GRID2: variants seen among roughly 807,000 people sequenced by gnomAD.
GRID2 encodes glutamate ionotropic receptor delta type subunit 2.
GRID2 carries 33 observed loss-of-function variants against 114.8 expected under a neutral mutation model. That is an observed-to-expected ratio of 0.29 (90% confidence interval 0.22 to 0.38). GRID2 has a LOEUF of 0.38. GRID2 is among the 10% of genes least tolerant of loss of function. The pLI is 1.00. For synonymous variants in GRID2, 505 were observed against 449.9 expected (o/e 1.12, Z -1.55); for missense variants, 1,184 against 1,257.7 (o/e 0.94, Z 0.89).
chr4:93,455,766 A>G lies in GRID2; in HGVS notation c.1650A>G (p.Arg550=). 1 of 1,613,006 alleles carries G rather than the reference A, an allele frequency of 6.2e-7. No individual in the cohort carries two copies. The change falls in exon 11 of 16, where the codon CGA becomes CGG. Residue 550 remains arginine, a synonymous_variant. Coordinates refer to ENST00000282020, the MANE Select transcript of GRID2 (RefSeq NM_001510.4). ...ACTACTCAGTGGGGGTACTACTTCG[A>G]AGGGCTGAAAAGACAGTGGATATGT... ...YMDYSVGVLL[R]RAEKTVDMFA...
At chr4:93,656,346 A>G (rs975724489) in intron 14 of GRID2, among the ~76,000 whole-genome samples, 2 of 152,124 alleles carry the variant, frequency 1.3e-5, no homozygotes, top group African/African-American at 4.8e-5. Context: ...TGAGAATAAT[A>G]AGTACCATAA....
intron 2 of GRID2, among the ~76,000 whole-genome samples, chr4:92,874,100 C>T (rs900870319): frequency 2.6e-5 from 4 of 152,148 alleles, no homozygotes; most frequent in Admixed American, 6.5e-5. Context: ...GGAGCAGGAA[C>T]TGATAAAGGG....
At chr4:92,358,912 T>C (rs1032244748) in intron 1 of GRID2, among the ~76,000 whole-genome samples, 5 of 151,980 alleles carry the variant, frequency 3.3e-5, no homozygotes, top group Admixed American at 3.3e-4. Context: ...TTTTGCATTA[T>C]GTACTTGCAT....
chr4:92,698,628 T>C (rs2149299273), intron 2 of GRID2, among the ~76,000 whole-genome samples: 1 of 151,694 alleles, frequency 6.6e-6, no homozygotes, highest in South Asian at 2.1e-4. Context: ...TAGAAGCTGA[T>C]CTTGCCTTTA....
At chr4:93,453,937 T>C (rs909379495) in intron 10 of GRID2, among the ~76,000 whole-genome samples, 1 of 152,002 alleles carries the variant, frequency 6.6e-6, no homozygotes, top group Non-Finnish European at 1.5e-5. Flanking sequence ...CTCACAATAA[T>C]GAAACTGAAC....
At chr4:93,078,944 A>T (rs761314059) in intron 2 of GRID2, among the ~76,000 whole-genome samples, 45 of 147,680 alleles carry the variant, frequency 3.0e-4, no homozygotes, top group Non-Finnish European at 5.8e-4. Flanking sequence ...AAACTTATGA[A>T]AATATATAAA....
intron 10 of GRID2, among the ~76,000 whole-genome samples, chr4:93,449,647 G>A (rs1722494642): frequency 6.6e-6 from 1 of 152,052 alleles, no homozygotes; most frequent in Admixed American, 6.6e-5. Context: ...TGATGGCAGT[G>A]TAGTAAGGAA....
chr4:93,425,035 T>C (rs1466574217), intron 10 of GRID2, among the ~76,000 whole-genome samples: 1 of 152,206 alleles, frequency 6.6e-6, no homozygotes, highest in African/African-American at 2.4e-5. Flanking sequence ...ACTTTTCTGC[T>C]GAGATTTCCT....
At chr4:93,677,540 C>A (rs941846478) in intron 14 of GRID2, among the ~76,000 whole-genome samples, 2 of 152,182 alleles carry the variant, frequency 1.3e-5, no homozygotes, top group Non-Finnish European at 2.9e-5. Context: ...CCAGTAGGGG[C>A]AGACTGACAC....
chr4:93,070,808 G>T (rs771713091), intron 2 of GRID2, among the ~76,000 whole-genome samples: 45 of 152,092 alleles, frequency 3.0e-4, no homozygotes, highest in Non-Finnish European at 5.4e-4. Context: ...CTTTTGAAAT[G>T]AATGTTTACA....
At chr4:92,312,903 G>A (rs1320369825) in intron 1 of GRID2, among the ~76,000 whole-genome samples, 1 of 152,006 alleles carries the variant, frequency 6.6e-6, no homozygotes, top group Non-Finnish European at 1.5e-5. Flanking sequence ...ACTAAAAGTA[G>A]AACTATCATT....
Position 92,439,503 on chromosome 4 carries a change from C to T in GRID2, c.88+134759C>T, listed in dbSNP as rs35262283. ...GGGGGTGGTATGGAGAGAGAATGGGCGATGTTTCTCAGGGCTGCTTCAAGC... is the reference window on the plus strand; with the variant it reads ...GGGGGTGGTATGGAGAGAGAATGGGTGATGTTTCTCAGGGCTGCTTCAAGC... On this transcript the variant is annotated intron_variant, in intron 1 of 15. Coordinates refer to ENST00000282020, the MANE Select transcript of GRID2 (RefSeq NM_001510.4). Among the ~76,000 whole-genome samples the T allele has an allele frequency of 2.3e-4, 35 of 151,684 alleles. 1 individual carries two copies. Among genetic ancestry groups the T allele is most frequent in the Admixed American group, 7.2e-4 (11 of 15,216 alleles).
At chr4:93,265,013 C>T (rs1488806997) in intron 8 of GRID2, among the ~76,000 whole-genome samples, 1 of 151,712 alleles carries the variant, frequency 6.6e-6, no homozygotes, top group Non-Finnish European at 1.5e-5. Context: ...GATCTCTTGA[C>T]CTCATGATCT....
At position 93,490,662 on chromosome 4, in the gene GRID2, C is replaced by A; in HGVS notation, c.1882C>A (p.Leu628Met). The A allele has an allele frequency of 2.5e-6, 4 of 1,610,950 alleles. No individual in the cohort carries two copies. Among genetic ancestry groups the A allele is most frequent in the Non-Finnish European group, 3.4e-6 (4 of 1,177,772 alleles). Residue 628 changes from leucine to methionine, a missense_variant, in exon 12 of 16, where the codon CTG (leucine) becomes ATG (methionine). This residue lies in a region of GRID2 where 717 missense variants were observed against 796.9 expected (regional missense o/e 0.90). Transcript: ENST00000282020. ...QQGGEVPYTTLATRMMMGAWW... is the reference protein window; with the variant it reads ...QQGGEVPYTTMATRMMMGAWW... ...AGGCGGGGAAGTCCCGTACACGACTCTGGCTACCCGAATGATGATGGGGGC... is the reference window on the plus strand; with the variant it reads ...AGGCGGGGAAGTCCCGTACACGACTATGGCTACCCGAATGATGATGGGGGC...
chr4:92,366,278 A>G (rs1469643511), intron 1 of GRID2, among the ~76,000 whole-genome samples: 2 of 152,036 alleles, frequency 1.3e-5, no homozygotes, highest in Non-Finnish European at 2.9e-5. Context: ...TACATTCCTT[A>G]TCTCAACTCC....
intron 2 of GRID2, among the ~76,000 whole-genome samples, chr4:93,031,620 A>T (rs1238137875): frequency 6.6e-6 from 1 of 152,030 alleles, no homozygotes; most frequent in African/African-American, 2.4e-5. Flanking sequence ...TGATGGTTTT[A>T]TAAGGGGGAA....
chr4:93,101,660 A>G (rs937306848), intron 3 of GRID2, among the ~76,000 whole-genome samples: 1 of 152,130 alleles, frequency 6.6e-6, no homozygotes, highest in Admixed American at 6.6e-5. Flanking sequence ...ATTTTAGTAG[A>G]GAGATTAAAA....
chr4:92,533,362 A>G, intron 1 of GRID2, among the ~76,000 whole-genome samples: 1 of 152,106 alleles, frequency 6.6e-6, no homozygotes, highest in East Asian at 1.9e-4. Flanking sequence ...CCAAGAAAAA[A>G]AAGCAGTTGG....
chr4:93,017,806 GAAAAAA>G (rs796967580), intron 2 of GRID2, among the ~76,000 whole-genome samples: 4 of 49,312 alleles, frequency 8.1e-5, no homozygotes, highest in African/African-American at 2.8e-4. Flanking sequence ...TCCTTTTCAA[GAAAAAA>G]AAAAAAAAAA....
Sources: gnomAD v4.1 joint callset for allele counts (sites outside exome capture counted in the v4.1 genomes callset) on GRCh38, gnomAD v4.1.1 for gene constraint, gnomAD v4.1.1 regional missense constraint, MANE v1.5 for transcripts, NCBI Gene and HGNC (gene_info 2026-07-23, HGNC 2026-07-21) for gene names.